Variants in COG7 observed in about 807,000 individuals in gnomAD.
COG7 encodes component of oligomeric golgi complex 7.
In COG7, 49 loss-of-function variants were observed where a neutral mutation model predicts 91.5. The ratio of observed to expected loss-of-function variants is 0.54; its 90% CI spans 0.43 to 0.68. The LOEUF (loss-of-function observed/expected upper bound fraction) is 0.68, where lower values mean the gene tolerates loss of function less well. COG7 is among the 30% of genes least tolerant of loss of function. The probability of loss-of-function intolerance (pLI) is 0.00; values close to 1 mark genes in which losing one functional copy is unlikely to be tolerated. For synonymous variants in COG7, 365 were observed against 388.7 expected (o/e 0.94, Z 0.72); for missense variants, 895 against 961.3 (o/e 0.93, Z 0.91).
intron 16 of COG7, chr16:23,389,919 G>T (rs1304446540): frequency 2.0e-5 from 3 of 152,208 alleles, no homozygotes; most frequent in Admixed American, 6.6e-5. Flanking sequence ...AGCCAGGTGT[G>T]ACCTCAGAGA....
chr16:23,445,250 G>A, intron 2 of COG7, 86 bp from the exon 3 acceptor site: 1 of 927,446 alleles, frequency 1.1e-6, no homozygotes, highest in Non-Finnish European at 1.8e-6. Context: ...AAGTATGGTG[G>A]CTTGCTTCTG....
chr16:23,403,657 A>G, intron 13 of COG7, 37 bp downstream of exon 13: 1 of 1,565,268 alleles, frequency 6.4e-7, no homozygotes, highest in Non-Finnish European at 8.8e-7. Flanking sequence ...TGGAGGCAGG[A>G]CCCGGGAAAA....
Position 23,398,063 on chromosome 16 carries a change from G to C in COG7, c.1870C>G (p.Leu624Val). The C allele has an allele frequency of 6.2e-7, 1 of 1,614,152 alleles. No homozygotes were observed. The highest frequency in any genetic ancestry group is 8.5e-7 in the Non-Finnish European group (1 of 1,180,004). The change falls in exon 14 of 17, where the codon CTC (leucine) becomes GTC (valine). Residue 624 changes from leucine (L) to valine (V), a missense_variant. Leu to Val is a conservative substitution (Grantham distance 32, BLOSUM62 1). Transcript: ENST00000307149. ...DELPAFSLTPLEYISNIGQYI... is the reference protein window; with the variant it reads ...DELPAFSLTPVEYISNIGQYI... Reference sequence around the variant, plus strand: ...GCTCTTACGTTGCTGATGTACTCGAGAGGGGTGAGACTAAAGGCGGGCAGT... The same window carrying C: ...GCTCTTACGTTGCTGATGTACTCGACAGGGGTGAGACTAAAGGCGGGCAGT...
chr16:23,431,617 C>T (rs1467816459), intron 6 of COG7, among the ~76,000 whole-genome samples: 5 of 151,134 alleles, frequency 3.3e-5, no homozygotes, highest in Admixed American at 2.6e-4. Flanking sequence ...GAGACCAGCC[C>T]AGCCAACATG....
intron 13 of COG7, among the ~76,000 whole-genome samples, chr16:23,402,471 C>A (rs1358538756): frequency 6.6e-6 from 1 of 151,742 alleles, no homozygotes. Flanking sequence ...AAGAAGAAAA[C>A]TACCACTTAT....
rs905455113 is a variant in COG7 at position 23,445,245 on chromosome 16, T to C, written c.319-81A>G. 1.0e-5 allele frequency: 10 copies of C among 969,870 alleles called. No individual in the cohort carries two copies. In the African/African-American group the frequency reaches 1.6e-4, roughly 16 times the overall value. 60.1% of individuals were successfully genotyped at this position (969,870 alleles called of 1,614,324 possible). On this transcript the variant is annotated intron_variant, in intron 2 of 16. Coordinates refer to ENST00000307149, the MANE Select transcript of COG7 (RefSeq NM_153603.4). The stretch of plus-strand genomic sequence containing the variant: ...CCACCAGGGACTTGAAATGTAAGTA[T>C]GGTGGCTTGCTTCTGTCTTTAGGGA...
intron 11 of COG7, 92 bp downstream of exon 11, chr16:23,410,203 G>A (rs1221517278): frequency 4.1e-6 from 4 of 966,068 alleles, no homozygotes; most frequent in Admixed American, 1.9e-5. Flanking sequence ...TTCACATCTG[G>A]CATATGCTGT....
intron 15 of COG7, 117 bp from the exon 16 acceptor site, chr16:23,392,640 C>T: frequency 8.3e-7 from 1 of 1,209,918 alleles, no homozygotes; most frequent in African/African-American, 1.5e-5. Flanking sequence ...AAAACAGTTA[C>T]ATCTTAGGGC....
intron 6 of COG7, among the ~76,000 whole-genome samples, chr16:23,430,859 T>A (rs1336749946): frequency 1.3e-5 from 2 of 151,694 alleles, no homozygotes; most frequent in Non-Finnish European, 2.9e-5. Context: ...TATTTTGAAA[T>A]GAGTAAAACA....
At chr16:23,449,875 T>C (rs1196482272) in intron 1 of COG7, among the ~76,000 whole-genome samples, 1 of 151,950 alleles carries the variant, frequency 6.6e-6, no homozygotes, top group African/African-American at 2.4e-5. Context: ...AGTTAATACA[T>C]ATAGAGCACC....
chr16:23,389,217 C>T lies in COG7; in HGVS notation c.2147-131G>A, dbSNP rs1240183233. 6.5e-6 allele frequency: 7 copies of T among 1,070,922 alleles called. No individual in the cohort carries two copies. In the African/African-American group the frequency reaches 7.8e-5, roughly 12 times the overall value. 66.3% of individuals were successfully genotyped at this position (1,070,922 alleles called of 1,614,324 possible). A position where few individuals can be genotyped will look rare whatever the true frequency, so the allele number is the denominator to read the frequency against. On this transcript the variant is annotated intron_variant, in intron 16 of 16. Transcript: ENST00000307149. ...CAAGTCCCTAGATGTGGGGCGCCAACCCTGCCCTCAATAGGCCCTTTACTC... is the reference window on the plus strand; with the variant it reads ...CAAGTCCCTAGATGTGGGGCGCCAATCCTGCCCTCAATAGGCCCTTTACTC...
At chr16:23,443,708 A>G (rs1172634392) in intron 3 of COG7, among the ~76,000 whole-genome samples, 4 of 152,064 alleles carry the variant, frequency 2.6e-5, no homozygotes, top group Admixed American at 6.6e-5. Context: ...TAAATAAATA[A>G]AAGATAGATT....
At chr16:23,423,857 G>C (rs753974339) in intron 7 of COG7, among the ~76,000 whole-genome samples, 1 of 152,182 alleles carries the variant, frequency 6.6e-6, no homozygotes, top group Non-Finnish European at 1.5e-5. Flanking sequence ...AGAGCTTGGA[G>C]AGCATCACAC....
At chr16:23,404,516 G>T (rs894848216) in intron 12 of COG7, among the ~76,000 whole-genome samples, 1 of 152,230 alleles carries the variant, frequency 6.6e-6, no homozygotes, top group Non-Finnish European at 1.5e-5. Flanking sequence ...ACCAGTTGGT[G>T]GGTCAAGGTG....
Position 23,389,067 on chromosome 16 carries a change from C to T in COG7, c.2166G>A (p.Met722Ile), listed in dbSNP as rs1163714779. ...GGGACGGCTGCAGGCCCAGGGCATC[C>T]ATCACGTTGATCAGATAGTCTGTGG... is the stretch of plus-strand genomic sequence containing the variant. ...ATDIDYLINV[M>I]DALGLQPSRT... Residue 722 changes from methionine to isoleucine, a missense_variant, in exon 17 of 17, where the codon ATG (methionine) becomes ATA (isoleucine). Transcript: ENST00000307149. 3 of 1,613,980 alleles carry T rather than the reference C, an allele frequency of 1.9e-6. No individual in the cohort carries two copies. Among genetic ancestry groups the T allele is most frequent in the South Asian group, 1.1e-5 (1 of 91,056 alleles).
chr16:23,394,194 A>G (rs1963247215), intron 14 of COG7, among the ~76,000 whole-genome samples: 1 of 152,166 alleles, frequency 6.6e-6, no homozygotes. Context: ...AAAAAACTAT[A>G]TTGTTTTCAT....
intron 6 of COG7, 52 bp from the exon 7 acceptor site, chr16:23,424,999 C>T (rs1963822653): frequency 1.3e-6 from 2 of 1,512,576 alleles, no homozygotes; most frequent in Admixed American, 3.9e-5. Context: ...CAAATAGGAG[C>T]CCACCTTTTT....
chr16:23,392,277 C>A, intron 16 of COG7, 103 bp downstream of exon 16: 1 of 1,569,204 alleles, frequency 6.4e-7, no homozygotes. Flanking sequence ...ACAGCTGAAG[C>A]TAAGGGAAGA....
chr16:23,447,403 G>C (rs1032351450), intron 1 of COG7: 2 of 151,132 alleles, frequency 1.3e-5, no homozygotes, highest in Admixed American at 1.3e-4. Flanking sequence ...TAGAGACGGG[G>C]TTTTGCTGTG....
Sources: allele counts gnomAD v4.1 joint callset (sites outside exome capture counted in the v4.1 genomes callset), GRCh38; gene constraint gnomAD v4.1.1; transcripts MANE v1.5; gene names NCBI Gene and HGNC (gene_info 2026-07-23, HGNC 2026-07-21).